The following CFAP96 variants were observed in gnomAD, a reference collection of about 807,000 sequenced individuals.
CFAP96 encodes the protein cilia-and flagella-associated protein 96.
the CFAP96 span, among the ~76,000 whole-genome samples, chr4:185,445,890 G>A: frequency 2.0e-5 from 3 of 152,142 alleles, no homozygotes; most frequent in African/African-American, 7.2e-5. Context: ...TGCCCAGGCT[G>A]GGGTACAATG....
chr4:185,418,065 C>CACACACACACACACAA, the CFAP96 span, among the ~76,000 whole-genome samples: 1 of 150,538 alleles, frequency 6.6e-6, no homozygotes, highest in Non-Finnish European at 1.5e-5. Context: ...CACACACACA[C>CACACACACACACACAA]ACAAACAACA....
At chr4:185,448,996 C>T in the CFAP96 span, among the ~76,000 whole-genome samples, 6 of 152,050 alleles carry the variant, frequency 3.9e-5, no homozygotes, top group African/African-American at 1.4e-4. Context: ...AAACATTATC[C>T]TGAATCAAGT....
the CFAP96 span, chr4:185,418,347 G>C: frequency 1.0e-6 from 1 of 964,040 alleles, no homozygotes; most frequent in Non-Finnish European, 1.5e-6. Context: ...TCTGACCTAT[G>C]ATAAGAGGGT....
chr4:185,420,095 A>C, the CFAP96 span, among the ~76,000 whole-genome samples: 1 of 152,230 alleles, frequency 6.6e-6, no homozygotes, highest in Non-Finnish European at 1.5e-5. Context: ...CTATTGAGTG[A>C]AATTTAAACC....
the CFAP96 span, among the ~76,000 whole-genome samples, chr4:185,431,352 G>C: frequency 6.6e-6 from 1 of 151,914 alleles, no homozygotes; most frequent in Non-Finnish European, 1.5e-5. Context: ...AATTATGAAA[G>C]AAGTTCTAAA....
the CFAP96 span, among the ~76,000 whole-genome samples, chr4:185,445,853 T>G: frequency 2.0e-4 from 30 of 152,322 alleles, no homozygotes; most frequent in Non-Finnish European, 4.4e-5. Context: ...TCTTTTTTAT[T>G]TTTTTGAGAC....
chr4:185,441,681 G>T, the CFAP96 span, among the ~76,000 whole-genome samples: 2 of 148,030 alleles, frequency 1.4e-5, no homozygotes, highest in East Asian at 3.9e-4. Flanking sequence ...TTAATTAAAA[G>T]AAATTAATAA....
At chr4:185,426,481 T>A in the CFAP96 span, 10 of 152,834 alleles carry the variant, frequency 6.5e-5, no homozygotes, top group African/African-American at 1.9e-4. Flanking sequence ...GGAAACAGAC[T>A]CCTCATCACC....
At chr4:185,444,706 A>G in the CFAP96 span, among the ~76,000 whole-genome samples, 1 of 152,194 alleles carries the variant, frequency 6.6e-6, no homozygotes, top group Non-Finnish European at 1.5e-5. Flanking sequence ...AAACTCTAAA[A>G]TATTAATGCT....
At chr4:185,437,764 C>T in the CFAP96 span, among the ~76,000 whole-genome samples, 4 of 152,144 alleles carry the variant, frequency 2.6e-5, no homozygotes, top group Non-Finnish European at 4.4e-5. Context: ...ATACTTTTCT[C>T]TCTTAACAGA....
the CFAP96 span, chr4:185,449,717 AAT>A: frequency 1.9e-6 from 2 of 1,051,676 alleles, no homozygotes; most frequent in Non-Finnish European, 2.7e-6. Flanking sequence ...TATTTGAAAA[AAT>A]ATAAGATGTT....
the CFAP96 span, chr4:185,445,418 G>A: frequency 1.0e-6 from 1 of 960,836 alleles, no homozygotes; most frequent in Non-Finnish European, 1.6e-6. Flanking sequence ...CATTTGAGAT[G>A]AGTTAGATAT....
the CFAP96 span, chr4:185,416,109 A>G: frequency 3.1e-6 from 1 of 327,310 alleles, no homozygotes; most frequent in Non-Finnish European, 5.5e-6. Context: ...TTTAAAGGAC[A>G]GAATATAAAG....
At chr4:185,445,091 G>A in the CFAP96 span, 1 of 1,551,646 alleles carries the variant, frequency 6.4e-7, no homozygotes, top group East Asian at 2.4e-5. Flanking sequence ...GGACCAAAAA[G>A]CAGACCAGTT....
the CFAP96 span, among the ~76,000 whole-genome samples, chr4:185,444,131 T>A: frequency 6.7e-6 from 1 of 150,098 alleles, no homozygotes; most frequent in African/African-American, 2.5e-5. Flanking sequence ...TTTTTTGTAT[T>A]TTTAGTAGAG....
At chr4:185,431,525 T>C in the CFAP96 span, among the ~76,000 whole-genome samples, 2 of 152,244 alleles carry the variant, frequency 1.3e-5, no homozygotes, top group African/African-American at 2.4e-5. Flanking sequence ...TAATGTCTTT[T>C]AGTGGCCATA....
the CFAP96 span, among the ~76,000 whole-genome samples, chr4:185,413,079 C>A: frequency 6.6e-6 from 1 of 152,066 alleles, no homozygotes; most frequent in East Asian, 1.9e-4. Context: ...GCCTACATGG[C>A]GGATCACTTG....
At chr4:185,445,192 C>A in the CFAP96 span, 1 of 1,334,628 alleles carries the variant, frequency 7.5e-7, no homozygotes, top group Non-Finnish European at 1.0e-6. Context: ...TTTTATACTT[C>A]TTCAAAATAG....
At chr4:185,442,349 G>A in the CFAP96 span, among the ~76,000 whole-genome samples, 1 of 151,810 alleles carries the variant, frequency 6.6e-6, no homozygotes, top group South Asian at 2.1e-4. Context: ...TATCTCCCTT[G>A]TAGAGTTTTG....
Sources: gnomAD v4.1 joint callset for allele counts (sites outside exome capture counted in the v4.1 genomes callset) on GRCh38, gnomAD v4.1.1 for gene constraint, MANE v1.5 for transcripts, NCBI Gene and HGNC (gene_info 2026-07-23, HGNC 2026-07-21) for gene names.